The following NELL1 variants were observed in gnomAD, a reference collection of about 807,000 sequenced individuals.
NELL1 encodes protein kinase C-binding protein NELL1.
NELL1 carries 76 observed loss-of-function variants against 107.4 expected under a neutral mutation model. The ratio of observed to expected loss-of-function variants is 0.71; its 90% CI spans 0.59 to 0.86. The LOEUF is 0.86. NELL1 is among the 40% of genes least tolerant of loss of function. The pLI is 0.00. For synonymous variants in NELL1, 353 were observed against 341.2 expected (o/e 1.03, Z -0.38); for missense variants, 1,024 against 1,005.5 (o/e 1.02, Z -0.25).
intron 15 of NELL1, among the ~76,000 whole-genome samples, chr11:21,426,793 T>A (rs1037733111): frequency 6.6e-6 from 1 of 152,092 alleles, no homozygotes; most frequent in Non-Finnish European, 1.5e-5. Context: ...AGGAAATTGA[T>A]CTTGTGCACG....
rs138753232 is a variant in NELL1 at position 21,201,263 on chromosome 11, C to G, written c.1427-28069C>G. Among the ~76,000 whole-genome samples the G allele has an allele frequency of 1.5e-3, 227 of 152,224 alleles. 6 individuals are homozygous for G. In the East Asian group the frequency reaches 0.04, roughly 27 times the overall value. On this transcript the variant is annotated intron_variant, in intron 13 of 19. Coordinates refer to ENST00000357134, the MANE Select transcript of NELL1 (RefSeq NM_006157.5). ...CAATATTGAGTTTTCCCATTCATGA[C>G]CATGAAATGTTTTCCATTAGTTTAT...
Position 21,232,153 on chromosome 11 carries a change from A to AT in NELL1, c.1549+2699_1549+2700insT, listed in dbSNP as rs1336630880. ...CATCTCTACTAAAAAAAAATAAAAA[A>AT]AAAAAAATATATATATATATATATA... is the stretch of plus-strand genomic sequence containing the variant. On this transcript the variant is annotated intron_variant, in intron 14 of 19. Coordinates refer to ENST00000357134, the MANE Select transcript of NELL1 (RefSeq NM_006157.5). Among the ~76,000 whole-genome samples the AT allele has an allele frequency of 1.9e-3, 46 of 24,118 alleles. 1 individual carries two copies. The highest frequency in any genetic ancestry group is 5.4e-3 in the Admixed American group (11 of 2,028). The allele number at this position is 24,118 out of a possible 152,430, so 15.8% of individuals were successfully genotyped here.
intron 3 of NELL1, among the ~76,000 whole-genome samples, chr11:20,800,510 A>G (rs1448792250): frequency 1.3e-5 from 2 of 152,058 alleles, no homozygotes. Context: ...GGGATTGTCT[A>G]TTCCTGTCTT....
At chr11:21,317,835 A>G (rs1849914183) in intron 14 of NELL1, among the ~76,000 whole-genome samples, 1 of 152,166 alleles carries the variant, frequency 6.6e-6, no homozygotes, top group Admixed American at 6.6e-5. Flanking sequence ...TCAATAGATT[A>G]TAAATCCAAA....
chr11:21,558,881 T>C (rs1266723286), intron 16 of NELL1, among the ~76,000 whole-genome samples: 2 of 151,998 alleles, frequency 1.3e-5, no homozygotes, highest in Admixed American at 1.3e-4. Context: ...AGAGAGGCTA[T>C]ATGAAAGGAG....
chr11:21,416,957 A>G (rs1386460807), intron 15 of NELL1, among the ~76,000 whole-genome samples: 1 of 151,884 alleles, frequency 6.6e-6, no homozygotes, highest in Non-Finnish European at 1.5e-5. Context: ...ATATAAGTTT[A>G]TTTTTTTTAG....
At chr11:21,346,986 G>T (rs1234088136) in intron 14 of NELL1, among the ~76,000 whole-genome samples, 2 of 152,138 alleles carry the variant, frequency 1.3e-5, no homozygotes, top group African/African-American at 4.8e-5. Flanking sequence ...TCCATATAAA[G>T]TGCTTAAGAC....
intron 13 of NELL1, among the ~76,000 whole-genome samples, chr11:21,228,106 G>A (rs1186404803): frequency 6.6e-6 from 1 of 152,100 alleles, no homozygotes; most frequent in Non-Finnish European, 1.5e-5. Context: ...GATTTGAATG[G>A]CCCTACTGGA....
rs145185236 is a variant in NELL1 at position 21,014,053 on chromosome 11, C to T, written c.1300+53493C>T. ...CACTTAGGGTTATAATACAATACTGCTTTATTTTGTTTCTCTAATTGTTCC... is the reference window on the plus strand; with the variant it reads ...CACTTAGGGTTATAATACAATACTGTTTTATTTTGTTTCTCTAATTGTTCC... On this transcript the variant is annotated intron_variant, in intron 12 of 19. Coordinates refer to ENST00000357134, the MANE Select transcript of NELL1 (RefSeq NM_006157.5). 3.8e-3 allele frequency among the ~76,000 whole-genome samples: 580 copies of T among 152,086 alleles called. 1 individual carries two copies. The highest frequency in any genetic ancestry group is 0.012 in the African/African-American group (517 of 41,504).
chr11:20,919,211 G>A (rs187407978), intron 6 of NELL1, 41 bp from the exon 7 acceptor site: 239 of 1,221,050 alleles, frequency 2.0e-4, no homozygotes, highest in Non-Finnish European at 2.2e-4. Context: ...TCTTATATTA[G>A]CACAATATAA....
chr11:20,901,369 A>G (rs766404584), intron 5 of NELL1, among the ~76,000 whole-genome samples: 12 of 152,132 alleles, frequency 7.9e-5, no homozygotes, highest in African/African-American at 1.2e-4. Context: ...TGAATCAAAT[A>G]GGAACAAATC....
rs1330644170 is a variant in NELL1 at position 21,244,778 on chromosome 11, A to G, written c.1549+15324A>G. 2.0e-5 allele frequency among the ~76,000 whole-genome samples: 3 copies of G among 152,142 alleles called. No homozygotes were observed. The East Asian group carries it at 5.8e-4, about 29-fold the overall frequency. On this transcript the variant is annotated intron_variant, in intron 14 of 19. Coordinates refer to ENST00000357134, the MANE Select transcript of NELL1 (RefSeq NM_006157.5). ...AGAGATTGTCCGTGTTCTACCTGCA[A>G]GCAAGGTGACTGAGTGGTGAAGGTC...
Position 21,570,869 on chromosome 11 carries a change from G to C in NELL1, c.2086G>C (p.Asp696His). The change falls in exon 18 of 20, where the codon GAC becomes CAC. Residue 696 changes from aspartate (D) to histidine (H), a missense_variant. By Grantham distance (81) the Asp-to-His change is moderately conservative (BLOSUM62 -1). Transcript: ENST00000357134. ...CACCAGAGTCACAAGTCAATGTTTA[G>C]ACCAAAATGGTCACAAGCTGTATCG... Reference protein sequence around the residue: ...CDTRVTSQCLDQNGHKLYRSG... With the variant: ...CDTRVTSQCLHQNGHKLYRSG... 6.2e-7 allele frequency: 1 copy of C among 1,611,994 alleles called. No individual in the cohort carries two copies. Among genetic ancestry groups the C allele is most frequent in the Non-Finnish European group, 8.5e-7 (1 of 1,178,688 alleles).
At chr11:21,145,248 A>G (rs966486847) in intron 13 of NELL1, among the ~76,000 whole-genome samples, 1 of 152,324 alleles carries the variant, frequency 6.6e-6, no homozygotes, top group Admixed American at 6.5e-5. Flanking sequence ...CATTTTACAA[A>G]TGGAGAAATT....
chr11:20,891,615 TC>T, intron 5 of NELL1, among the ~76,000 whole-genome samples: 1 of 151,906 alleles, frequency 6.6e-6, no homozygotes, highest in Admixed American at 6.6e-5. Context: ...ATTCAGGAGA[TC>T]CATCTTACAT....
intron 4 of NELL1, among the ~76,000 whole-genome samples, chr11:20,857,123 G>A (rs1848896437): frequency 6.6e-6 from 1 of 152,178 alleles, no homozygotes; most frequent in Admixed American, 6.5e-5. Flanking sequence ...TGCATCCAGA[G>A]GGAGAGAGGG....
chr11:21,381,734 G>A (rs561164682), intron 15 of NELL1, among the ~76,000 whole-genome samples: 1 of 151,740 alleles, frequency 6.6e-6, no homozygotes, highest in East Asian at 2.0e-4. Context: ...GATTTTATTT[G>A]TATCATCTTT....
intron 14 of NELL1, among the ~76,000 whole-genome samples, chr11:21,235,316 T>TA (rs1366018971): frequency 1.3e-5 from 2 of 152,130 alleles, no homozygotes; most frequent in African/African-American, 4.8e-5. Flanking sequence ...GCTCCTCTGG[T>TA]TATAGAGCAA....
At chr11:21,204,379 C>T (rs1052081809) in intron 13 of NELL1, among the ~76,000 whole-genome samples, 3 of 151,724 alleles carry the variant, frequency 2.0e-5, no homozygotes, top group African/African-American at 7.3e-5. Flanking sequence ...TCTCTGATAT[C>T]CTTTCTTCTG....
Sources: allele counts gnomAD v4.1 joint callset (sites outside exome capture counted in the v4.1 genomes callset), GRCh38; gene constraint gnomAD v4.1.1; transcripts MANE v1.5; gene names NCBI Gene and HGNC (gene_info 2026-07-23, HGNC 2026-07-21).